Variants in INSR observed in about 807,000 individuals in gnomAD.
INSR encodes insulin receptor.
In INSR, 67 loss-of-function variants were observed where a neutral mutation model predicts 142.6. The ratio of observed to expected loss-of-function variants is 0.47; its 90% CI spans 0.39 to 0.58. The LOEUF is 0.58. Among genes scored for constraint, INSR ranks in the 20% least tolerant of loss-of-function variants. The probability of loss-of-function intolerance (pLI) is 0.00; values close to 1 mark genes in which losing one functional copy is unlikely to be tolerated. For missense variants in INSR, 1,248 were observed against 1,833.2 expected, an observed-to-expected ratio of 0.68 and a Z score of 5.83; for synonymous variants, 756 against 743.1, an observed-to-expected ratio of 1.02 and a Z score of -0.28.
chr19:7,181,359 T>C (rs942923447), intron 3 of INSR, among the ~76,000 whole-genome samples: 3 of 152,076 alleles, frequency 2.0e-5, no homozygotes, highest in African/African-American at 7.2e-5. Flanking sequence ...TGTAGACAAA[T>C]TTGAGACCTC....
intron 2 of INSR, among the ~76,000 whole-genome samples, chr19:7,240,061 C>T (rs1357257410): frequency 6.6e-6 from 1 of 152,156 alleles, no homozygotes; most frequent in Non-Finnish European, 1.5e-5. Flanking sequence ...ACAGCAGGAC[C>T]AGCCACGTGT....
chr19:7,243,234 GTTTTTTTTT>G lies in INSR; in HGVS notation c.652+24102_652+24110del, dbSNP rs1161289283. On this transcript the variant is annotated intron_variant, in intron 2 of 21. Transcript: ENST00000302850. The stretch of plus-strand genomic sequence containing the variant: ...TCACAGCCAGTCACACACTGTTTTG[GTTTTTTTTT>G]TTTTTTTTTTTTTTTTTTTTGAGAT... 7.2e-3 allele frequency among the ~76,000 whole-genome samples: 493 copies of G among 68,230 alleles called. 1 individual carries two copies. Among genetic ancestry groups the G allele is most frequent in the Middle Eastern group, 0.037 (2 of 54 alleles). The allele number at this position is 68,230 out of a possible 152,430, so 44.8% of individuals were successfully genotyped here. A position where few individuals can be genotyped will look rare whatever the true frequency, so the allele number is the denominator to read the frequency against.
intron 2 of INSR, among the ~76,000 whole-genome samples, chr19:7,187,305 C>A (rs1974457072): frequency 6.6e-6 from 1 of 151,834 alleles, no homozygotes. Context: ...TGGTCTCGAA[C>A]TCCTGACCTC....
intron 2 of INSR, among the ~76,000 whole-genome samples, chr19:7,255,868 C>T (rs994575589): frequency 3.9e-5 from 6 of 151,970 alleles, no homozygotes; most frequent in African/African-American, 1.5e-4. Context: ...TATGACCCAC[C>T]ACACCCAACC....
chr19:7,129,054 T>G, intron 14 of INSR, 100 bp from the exon 15 acceptor site: 1 of 855,408 alleles, frequency 1.2e-6, no homozygotes. Flanking sequence ...GGCCACCCTG[T>G]TCCTTCCCTC....
In INSR at chr19:7,166,273, C is replaced by T. The variant is rs747464322; in HGVS notation, c.1742G>A (p.Arg581Gln). ...KSQNHPGWLM[R>Q]GLKPWTQYAI... ...ATACTGGGTCCAGGGCTTGAGACCC[C>T]GCATCAGCCACCCTGGGTGGTTCTG... Residue 581 changes from arginine (R) to glutamine (Q), a missense_variant, in exon 8 of 22, where the codon CGG becomes CAG. Physicochemically the swap from Arg to Gln is conservative, Grantham distance 43. Transcript: ENST00000302850. The surrounding 1 kb of genome is among the most constrained non-coding windows in gnomAD (Gnocchi z 4.1). 3.1e-6 allele frequency: 5 copies of T among 1,614,098 alleles called. No homozygotes were observed. The highest frequency in any genetic ancestry group is 1.3e-5 in the African/African-American group (1 of 75,022).
chr19:7,245,335 T>C (rs1409170438), intron 2 of INSR, among the ~76,000 whole-genome samples: 1 of 152,188 alleles, frequency 6.6e-6, no homozygotes, highest in African/African-American at 2.4e-5. Flanking sequence ...AAACTAGATT[T>C]GCCACTTTAT....
At chr19:7,165,977 CA>C (rs1973879121) in intron 8 of INSR, among the ~76,000 whole-genome samples, 176 bp downstream of exon 8, 1 of 149,986 alleles carries the variant, frequency 6.7e-6, no homozygotes, top group African/African-American at 2.5e-5. Context: ...TGCAGTGAGC[CA>C]TGATCACCCC....
At position 7,159,587 on chromosome 19, in the gene INSR, T is replaced by C. The variant is rs1005145939; in HGVS notation, c.2029+3445A>G. The C allele has an allele frequency of 6.6e-6, 1 of 150,424 alleles. No individual in the cohort carries two copies. Among genetic ancestry groups the C allele is most frequent in the Non-Finnish European group, 1.5e-5 (1 of 67,834 alleles). 9.3% of individuals were successfully genotyped at this position (150,424 alleles called of 1,614,324 possible). On this transcript the variant is annotated intron_variant, in intron 9 of 21. Coordinates refer to ENST00000302850, the MANE Select transcript of INSR (RefSeq NM_000208.4). The surrounding 1 kb of genome is among the most constrained non-coding windows in gnomAD (Gnocchi z 4.3). ...TACTGGTGGCAGCTCTCACGGGTGG[T>C]TCTGGTTACTTGAATGCAGGGCCAA...
intron 2 of INSR, among the ~76,000 whole-genome samples, chr19:7,235,450 T>G (rs1976128019): frequency 6.6e-6 from 1 of 152,172 alleles, no homozygotes; most frequent in Non-Finnish European, 1.5e-5. Context: ...TATCCATGTG[T>G]CTGGCGCTAG....
chr19:7,245,149 G>C (rs528575783), intron 2 of INSR, among the ~76,000 whole-genome samples: 154 of 151,904 alleles, frequency 1.0e-3, no homozygotes, highest in African/African-American at 3.4e-3. Flanking sequence ...TGTTAGCCAG[G>C]ATGGTCTCGA....
intron 3 of INSR, among the ~76,000 whole-genome samples, chr19:7,177,798 C>T (rs756330050): frequency 8.0e-5 from 12 of 149,708 alleles, no homozygotes; most frequent in South Asian, 2.1e-4. Flanking sequence ...CCACCCGCCT[C>T]GGCCTCCCAA....
In INSR at chr19:7,136,177, AT is replaced by A. The variant is rs570972968; in HGVS notation, c.2683-3861del. Among the ~76,000 whole-genome samples, 39 of 152,030 alleles carry A rather than the reference AT, an allele frequency of 2.6e-4. No individual in the cohort carries two copies. The South Asian group carries it at 3.7e-3, about 15-fold the overall frequency. On this transcript the variant is annotated intron_variant, in intron 13 of 21. Transcript: ENST00000302850. Reference sequence around the variant, plus strand: ...TTGATTTGCATTTTTGTCATGGCTAATTTGGGGCTGAGTTTTGTGTTTTGCC... The same window carrying A: ...TTGATTTGCATTTTTGTCATGGCTAATTGGGGCTGAGTTTTGTGTTTTGCC...
rs1160441788 is a variant in INSR at position 7,184,566 on chromosome 19, T to G, written c.724A>C (p.Asn242His). 6.2e-7 allele frequency: 1 copy of G among 1,613,318 alleles called. No individual in the cohort carries two copies. The highest frequency in any genetic ancestry group is 2.2e-5 in the East Asian group (1 of 44,862). Reference sequence around the variant, plus strand: ...GTGGGGTCGTCGGGCTGAGAACAGTTGCCCAGGCACTCGCTGTGGCAACAG... The same window carrying G: ...GTGGGGTCGTCGGGCTGAGAACAGTGGCCCAGGCACTCGCTGTGGCAACAG... ...GLCCHSECLG[N>H]CSQPDDPTKC... Residue 242 changes from asparagine to histidine, a missense_variant, in exon 3 of 22, where the codon AAC becomes CAC. Transcript: ENST00000302850.
At chr19:7,204,088 G>A (rs1247158986) in intron 2 of INSR, among the ~76,000 whole-genome samples, 1 of 152,038 alleles carries the variant, frequency 6.6e-6, no homozygotes. Context: ...TCAGCCTCCT[G>A]AGTAGCTGGG....
intron 9 of INSR, among the ~76,000 whole-genome samples, chr19:7,161,169 A>T (rs897415192): frequency 2.7e-5 from 4 of 149,474 alleles, no homozygotes; most frequent in Admixed American, 2.7e-4. Flanking sequence ...TTATATAATT[A>T]TTTATAAATT....
chr19:7,222,456 T>G (rs1045914350), intron 2 of INSR, among the ~76,000 whole-genome samples: 11 of 152,094 alleles, frequency 7.2e-5, no homozygotes, highest in Non-Finnish European at 1.5e-4. Flanking sequence ...TTCAGTGGTG[T>G]GACCGTAGCT....
At chr19:7,224,875 G>T (rs1276050764) in intron 2 of INSR, among the ~76,000 whole-genome samples, 1 of 148,726 alleles carries the variant, frequency 6.7e-6, no homozygotes, top group Non-Finnish European at 1.5e-5. Context: ...CCAGGTTCTT[G>T]TCTCTAAATT....
intron 2 of INSR, among the ~76,000 whole-genome samples, chr19:7,213,216 C>T (rs1212241679): frequency 2.6e-5 from 4 of 151,716 alleles, no homozygotes; most frequent in Non-Finnish European, 2.9e-5. Context: ...TGGTGGAGCA[C>T]GTCTGTAGTC....
Sources: gnomAD v4.1 joint callset for allele counts (sites outside exome capture counted in the v4.1 genomes callset) on GRCh38, gnomAD v4.1.1 for gene constraint, Gnocchi (gnomAD v3.1) non-coding constraint, MANE v1.5 for transcripts, NCBI Gene and HGNC (gene_info 2026-07-23, HGNC 2026-07-21) for gene names.